The following GABRG3 variants were observed in gnomAD, a reference collection of about 807,000 sequenced individuals.
GABRG3 encodes the protein gamma-aminobutyric acid receptor subunit gamma-3.
A neutral mutation model predicts 48.8 loss-of-function variants in GABRG3; 25 were observed. The ratio of observed to expected loss-of-function variants is 0.51; its 90% CI spans 0.37 to 0.72. The LOEUF (loss-of-function observed/expected upper bound fraction) is 0.72. Among genes scored for constraint, GABRG3 ranks in the 30% least tolerant of loss-of-function variants. GABRG3 has a pLI of 0.00. For synonymous variants in GABRG3, 227 were observed against 217.6 expected (o/e 1.04, Z -0.38); for missense variants, 394 against 577.9 (o/e 0.68, Z 3.26).
chr15:27,510,791 C>G (rs1336254911), intron 6 of GABRG3, among the ~76,000 whole-genome samples: 1 of 152,132 alleles, frequency 6.6e-6, no homozygotes, highest in Non-Finnish European at 1.5e-5. Flanking sequence ...ATTACTTGTT[C>G]TAAAAACTAT....
intron 3 of GABRG3, among the ~76,000 whole-genome samples, chr15:27,312,682 C>A (rs1276714500): frequency 6.6e-6 from 1 of 151,910 alleles, no homozygotes; most frequent in African/African-American, 2.4e-5. Context: ...CTGTGCCTGG[C>A]AAAACTGCCC....
chr15:27,144,560 G>C (rs1368138127), intron 3 of GABRG3, among the ~76,000 whole-genome samples: 1 of 152,154 alleles, frequency 6.6e-6, no homozygotes, highest in African/African-American at 2.4e-5. Flanking sequence ...GGGAGAGAAA[G>C]CTCACCAAAA....
chr15:27,346,519 T>C (rs558963922), intron 5 of GABRG3, among the ~76,000 whole-genome samples: 5 of 152,336 alleles, frequency 3.3e-5, no homozygotes, highest in Non-Finnish European at 7.3e-5. Context: ...CCATTATTTT[T>C]ATACTTCAAA....
intron 3 of GABRG3, among the ~76,000 whole-genome samples, chr15:27,184,939 ATTC>A (rs1341476228): frequency 6.6e-6 from 1 of 151,782 alleles, no homozygotes; most frequent in Non-Finnish European, 1.5e-5. Context: ...TTCCTTTGTC[ATTC>A]TTGTTAGATG....
intron 3 of GABRG3, chr15:27,027,033 T>C (rs573190858): frequency 4.4e-6 from 2 of 452,676 alleles, no homozygotes; most frequent in South Asian, 9.0e-5. Context: ...TTTTAGTTTC[T>C]TCTTTCAACA....
At chr15:27,182,517 G>A (rs1339530177) in intron 3 of GABRG3, among the ~76,000 whole-genome samples, 1 of 152,178 alleles carries the variant, frequency 6.6e-6, no homozygotes, top group Admixed American at 6.5e-5. Context: ...AACCCGCCAT[G>A]TGAAAGCAGT....
At position 27,536,273 on chromosome 15, in the gene GABRG3, C is replaced by G. The variant is rs2150868208; in HGVS notation, c.*3392C>G. 1 of 152,286 alleles carries G rather than the reference C, an allele frequency of 6.6e-6. No individual in the cohort carries two copies. Among genetic ancestry groups the G allele is most frequent in the African/African-American group, 2.4e-5 (1 of 41,538 alleles). The allele number at this position is 152,286 out of a possible 1,614,324, so 9.4% of individuals were successfully genotyped here. The stretch of plus-strand genomic sequence containing the variant: ...TCTGCAAAGTCCCAACACCACCTAC[C>G]AGAACAGAGACTCCCTACATACCAG... On this transcript the variant is annotated 3_prime_UTR_variant, in exon 10 of 10. Transcript: ENST00000615808.
At chr15:27,321,888 C>T (rs1224702551) in intron 3 of GABRG3, among the ~76,000 whole-genome samples, 1 of 152,170 alleles carries the variant, frequency 6.6e-6, no homozygotes, top group African/African-American at 2.4e-5. Context: ...TAAAATGATC[C>T]GCGTGTCGCG....
At chr15:27,306,673 T>C (rs1434109061) in intron 3 of GABRG3, among the ~76,000 whole-genome samples, 1 of 80,464 alleles carries the variant, frequency 1.2e-5, no homozygotes, top group Non-Finnish European at 2.7e-5. Flanking sequence ...TGTTTATATA[T>C]AAACATATAT....
intron 5 of GABRG3, among the ~76,000 whole-genome samples, chr15:27,454,935 C>T (rs973109625): frequency 1.3e-5 from 2 of 152,194 alleles, no homozygotes; most frequent in Admixed American, 6.5e-5. Context: ...GTTACACGGT[C>T]ATTATTCATC....
At chr15:27,084,073 G>C (rs1433866541) in intron 3 of GABRG3, among the ~76,000 whole-genome samples, 1 of 152,164 alleles carries the variant, frequency 6.6e-6, no homozygotes, top group South Asian at 2.1e-4. Context: ...GAGAACCCTG[G>C]GTCCCAGTAG....
chr15:27,485,206 T>A (rs952184645), intron 6 of GABRG3, among the ~76,000 whole-genome samples: 1 of 152,026 alleles, frequency 6.6e-6, no homozygotes, highest in Non-Finnish European at 1.5e-5. Flanking sequence ...ACCTTACGAG[T>A]CTGGCAAGAA....
rs1487140935 is a variant in GABRG3, at chr15:27,313,292, A to G, written c.271-13517A>G. On this transcript the variant is annotated intron_variant, in intron 3 of 9. Transcript: ENST00000615808. ...TATATATATATATATATATATATAT[A>G]TATATATATATATATATACCCAACA... is the stretch of plus-strand genomic sequence containing the variant. 1.1e-3 allele frequency among the ~76,000 whole-genome samples: 119 copies of G among 112,702 alleles called. 6 individuals are homozygous for G. Among genetic ancestry groups the G allele is most frequent in the South Asian group, 3.2e-3 (10 of 3,122 alleles). The allele number at this position is 112,702 out of a possible 152,430, so 73.9% of individuals were successfully genotyped here. A position where few individuals can be genotyped will look rare whatever the true frequency, so the allele number is the denominator to read the frequency against.
At chr15:27,437,965 A>G (rs1305146509) in intron 5 of GABRG3, among the ~76,000 whole-genome samples, 1 of 152,124 alleles carries the variant, frequency 6.6e-6, no homozygotes, top group East Asian at 1.9e-4. Context: ...TATAGCCAGA[A>G]CTCGCTCATC....
At chr15:27,154,361 A>G (rs1436698057) in intron 3 of GABRG3, among the ~76,000 whole-genome samples, 4 of 152,226 alleles carry the variant, frequency 2.6e-5, no homozygotes, top group Non-Finnish European at 4.4e-5. Flanking sequence ...CACTGGCTAG[A>G]TCTTCTAGTA....
intron 3 of GABRG3, among the ~76,000 whole-genome samples, chr15:27,232,954 G>A (rs1889845630): frequency 6.6e-6 from 1 of 152,330 alleles, no homozygotes; most frequent in African/African-American, 2.4e-5. Context: ...AGGAGGGGCA[G>A]GACTGCCAGG....
At chr15:27,194,125 T>A (rs1476244491) in intron 3 of GABRG3, among the ~76,000 whole-genome samples, 1 of 152,228 alleles carries the variant, frequency 6.6e-6, no homozygotes. Context: ...ATAATTAAAT[T>A]ATAACAGTCT....
intron 9 of GABRG3, among the ~76,000 whole-genome samples, chr15:27,530,026 TA>T (rs1471283962): frequency 6.6e-6 from 1 of 152,134 alleles, no homozygotes; most frequent in Non-Finnish European, 1.5e-5. Context: ...AGAATAATGC[TA>T]AGCCAAAGAA....
rs375023372 is a variant in GABRG3 at position 27,318,913 on chromosome 15, T to C, written c.271-7896T>C. On this transcript the variant is annotated intron_variant, in intron 3 of 9. Transcript: ENST00000615808. ...TGGGAACAGAGGAAATAAGGAGATG[T>C]TGGTCAGTGGTCCAGACTTGCAGTT... Among the ~76,000 whole-genome samples, 6 of 152,302 alleles carry C rather than the reference T, an allele frequency of 3.9e-5. No homozygotes were observed. In the South Asian group the frequency reaches 1.2e-3, roughly 32 times the overall value.
Sources: allele counts gnomAD v4.1 joint callset (sites outside exome capture counted in the v4.1 genomes callset), GRCh38; gene constraint gnomAD v4.1.1; transcripts MANE v1.5; gene names NCBI Gene and HGNC (gene_info 2026-07-23, HGNC 2026-07-21).